Variants in PDE9A observed in about 807,000 individuals in gnomAD.
PDE9A encodes the protein high affinity cGMP-specific 3',5'-cyclic phosphodiesterase 9A.
Under a neutral mutation model 87.4 loss-of-function variants are expected in PDE9A, and 60 were observed. The observed-to-expected ratio is 0.69, with a 90% CI of 0.56 to 0.85. PDE9A has a LOEUF of 0.85. Ranked by LOEUF, PDE9A falls within the 40% of genes least tolerant of loss-of-function variation. The pLI is 0.00. For missense variants in PDE9A, 665 were observed against 779.0 expected, an observed-to-expected ratio of 0.85 and a Z score of 1.74; for synonymous variants, 272 against 279.4, an observed-to-expected ratio of 0.97 and a Z score of 0.27.
At chr21:42,752,642 C>A (rs1198508953) in intron 9 of PDE9A, among the ~76,000 whole-genome samples, 2 of 152,182 alleles carry the variant, frequency 1.3e-5, no homozygotes, top group Non-Finnish European at 2.9e-5. Context: ...GATCCTGTCC[C>A]AGGGAGCCGT....
intron 8 of PDE9A, among the ~76,000 whole-genome samples, chr21:42,744,955 C>G (rs1226141013): frequency 6.6e-6 from 1 of 152,210 alleles, no homozygotes; most frequent in East Asian, 1.9e-4. Context: ...CCAGACACCA[C>G]AGGCATATGA....
chr21:42,744,927 A>G (rs1264047220), intron 8 of PDE9A, among the ~76,000 whole-genome samples: 2 of 152,220 alleles, frequency 1.3e-5, no homozygotes, highest in African/African-American at 4.8e-5. Flanking sequence ...CTTTGCCTCC[A>G]TGCCCGCTGG....
intron 10 of PDE9A, chr21:42,757,955 C>T (rs2055256929): frequency 1.3e-5 from 2 of 152,400 alleles, no homozygotes; most frequent in Non-Finnish European, 2.9e-5. Context: ...GTAACATGCC[C>T]TTTTGGGAGG....
intron 4 of PDE9A, among the ~76,000 whole-genome samples, chr21:42,699,570 A>ATT (rs1479669377): frequency 0.016 from 1,371 of 84,996 alleles, 12 homozygotes; most frequent in South Asian, 0.051. Flanking sequence ...TTTTTTTTAA[A>ATT]AAAAAACGGA....
chr21:42,667,341 A>G (rs2058075003), intron 1 of PDE9A, among the ~76,000 whole-genome samples: 3 of 152,208 alleles, frequency 2.0e-5, no homozygotes, highest in Admixed American at 2.0e-4. Flanking sequence ...CAGACCAGGG[A>G]ACAGGGTGCT....
intron 10 of PDE9A, chr21:42,758,633 A>C (rs1311133368): frequency 4.5e-6 from 1 of 224,392 alleles, no homozygotes; most frequent in Non-Finnish European, 9.0e-6. Context: ...CATCTGTAGA[A>C]ATCAATAAAT....
rs764360663 is a variant in PDE9A, at chr21:42,754,088, C to T, written c.810+24C>T. 3.4e-5 allele frequency: 52 copies of T among 1,544,886 alleles called. No individual in the cohort carries two copies. In the East Asian group the frequency reaches 1.1e-3, roughly 33 times the overall value. On this transcript the variant is annotated intron_variant, in intron 10 of 19. Coordinates refer to ENST00000291539, the MANE Select transcript of PDE9A (RefSeq NM_002606.3). The stretch of plus-strand genomic sequence containing the variant: ...AGGTAAGTGCGGGGCTTGCAGGCAC[C>T]ACGTCCCAGGGGGAGGCAGCTCAGG...
chr21:42,737,546 G>A (rs1255931698), intron 7 of PDE9A, among the ~76,000 whole-genome samples: 1 of 152,124 alleles, frequency 6.6e-6, no homozygotes, highest in Non-Finnish European at 1.5e-5. Flanking sequence ...TGCAACCTCT[G>A]CCCCCCGAAG....
At chr21:42,686,062 G>A (rs2059443727) in intron 1 of PDE9A, 130 bp from the exon 2 acceptor site, 8 of 653,496 alleles carry the variant, frequency 1.2e-5, no homozygotes, top group East Asian at 1.1e-4. Flanking sequence ...ACATTCCCGT[G>A]CGTAGAGTTA....
At chr21:42,668,100 AC>A (rs1339783211) in intron 1 of PDE9A, among the ~76,000 whole-genome samples, 39 of 151,744 alleles carry the variant, frequency 2.6e-4, no homozygotes, top group African/African-American at 8.9e-4. Context: ...AAATCTTTTC[AC>A]CCATGTCCAG....
intron 3 of PDE9A, among the ~76,000 whole-genome samples, chr21:42,691,530 C>T (rs2059836128): frequency 6.6e-6 from 1 of 151,952 alleles, no homozygotes; most frequent in Admixed American, 6.6e-5. Flanking sequence ...CCACCTAGCC[C>T]ATCACCATCA....
At chr21:42,738,249 C>T (rs979809066) in intron 7 of PDE9A, among the ~76,000 whole-genome samples, 39 of 152,326 alleles carry the variant, frequency 2.6e-4, no homozygotes, top group African/African-American at 9.4e-4. Flanking sequence ...TACAAACAGC[C>T]CAGAGCCTGG....
chr21:42,768,346 A>G (rs113881451), intron 16 of PDE9A, 54 bp downstream of exon 16: 1 of 1,222,376 alleles, frequency 8.2e-7, no homozygotes. Context: ...AGCCCCACTT[A>G]GTAAGGGTTT....
At chr21:42,664,041 C>T (rs763511637) in intron 1 of PDE9A, among the ~76,000 whole-genome samples, 8 of 152,202 alleles carry the variant, frequency 5.3e-5, no homozygotes, top group Non-Finnish European at 1.0e-4. Flanking sequence ...CCCCAGAGGA[C>T]GGCCCGGGGC....
At chr21:42,768,404 C>T (rs555412961) in intron 16 of PDE9A, 112 bp downstream of exon 16, 68 of 1,021,838 alleles carry the variant, frequency 6.7e-5, no homozygotes, top group African/African-American at 6.1e-4. Context: ...CCCGGGCTGC[C>T]GACAGTTCAG....
At chr21:42,716,142 C>T (rs2146524234) in intron 4 of PDE9A, among the ~76,000 whole-genome samples, 1 of 152,004 alleles carries the variant, frequency 6.6e-6, no homozygotes, top group East Asian at 1.9e-4. Flanking sequence ...TATTGAAGAG[C>T]ATCTTGGTTG....
intron 10 of PDE9A, among the ~76,000 whole-genome samples, chr21:42,754,837 C>T (rs2054854953): frequency 1.3e-5 from 2 of 152,134 alleles, no homozygotes; most frequent in African/African-American, 2.4e-5. Flanking sequence ...ATTGTGAGGC[C>T]TCCGCAGCCA....
intron 1 of PDE9A, among the ~76,000 whole-genome samples, chr21:42,664,807 G>A (rs1047111576): frequency 6.6e-6 from 1 of 152,204 alleles, no homozygotes; most frequent in Non-Finnish European, 1.5e-5. Flanking sequence ...GGCCTTGCGA[G>A]AGACTCAGTT....
intron 4 of PDE9A, among the ~76,000 whole-genome samples, chr21:42,708,615 C>T (rs975697668): frequency 3.9e-5 from 6 of 152,164 alleles, no homozygotes; most frequent in Non-Finnish European, 7.3e-5. Flanking sequence ...AGTGCAGTGG[C>T]GCGATCTCGG....
Sources: gnomAD v4.1 joint callset for allele counts (sites outside exome capture counted in the v4.1 genomes callset) on GRCh38, gnomAD v4.1.1 for gene constraint, MANE v1.5 for transcripts, NCBI Gene and HGNC (gene_info 2026-07-23, HGNC 2026-07-21) for gene names.